GALNT14: variants seen among roughly 807,000 people sequenced by gnomAD.
The protein encoded by GALNT14 is polypeptide N-acetylgalactosaminyltransferase 14, also known as UDP-GalNAc:polypeptide N-acetylgalactosaminyltransferase 14.
In GALNT14, 60 loss-of-function variants were observed where a neutral mutation model predicts 77.5. That is an observed-to-expected ratio of 0.77 (90% confidence interval 0.63 to 0.96). The LOEUF (loss-of-function observed/expected upper bound fraction) is 0.96. Among genes scored for constraint, GALNT14 ranks in the 40% least tolerant of loss-of-function variants. The pLI, the probability that GALNT14 is intolerant of heterozygous loss-of-function variation, is 0.00. For missense variants in GALNT14, 710 were observed against 731.0 expected (o/e 0.97, Z 0.33); for synonymous variants, 280 against 281.7 (o/e 0.99, Z 0.06).
intron 1 of GALNT14, among the ~76,000 whole-genome samples, chr2:31,064,311 A>G (rs1468582770): frequency 1.3e-5 from 2 of 152,220 alleles, no homozygotes; most frequent in African/African-American, 4.8e-5. Flanking sequence ...CACAGACACA[A>G]AACTGAGGAG....
rs370099592 is a variant in GALNT14 at position 31,100,601 on chromosome 2, CT to C, written c.129+37356del. On this transcript the variant is annotated intron_variant, in intron 1 of 14. Coordinates refer to ENST00000349752, the MANE Select transcript of GALNT14 (RefSeq NM_024572.4). ...ACCTGTGCAATGAGGAGTAACAGTA[CT>C]AATAGCATAGATCCTTGTTCTTTAG... Among the ~76,000 whole-genome samples the C allele has an allele frequency of 1.1e-3, 174 of 151,934 alleles. 1 individual carries two copies. The highest frequency in any genetic ancestry group is 4.1e-3 in the African/African-American group (168 of 41,466).
chr2:31,060,944 C>T (rs1674552591), intron 1 of GALNT14, among the ~76,000 whole-genome samples: 1 of 152,128 alleles, frequency 6.6e-6, no homozygotes, highest in Non-Finnish European at 1.5e-5. Flanking sequence ...CACTTTCTTC[C>T]TAGGAGGCTT....
intron 13 of GALNT14, among the ~76,000 whole-genome samples, chr2:30,914,527 A>T (rs1664559656): frequency 1.3e-5 from 2 of 152,210 alleles, no homozygotes; most frequent in South Asian, 4.1e-4. Context: ...GGGGTGGGGC[A>T]GGCCAGAGAA....
intron 3 of GALNT14, among the ~76,000 whole-genome samples, chr2:30,962,439 T>C (rs1010028902): frequency 6.6e-6 from 1 of 152,154 alleles, no homozygotes; most frequent in South Asian, 2.1e-4. Flanking sequence ...CATAAAGGGA[T>C]CCATTGCCCA....
At chr2:30,955,817 C>G in intron 5 of GALNT14, 78 bp from the exon 6 acceptor site, 1 of 1,608,554 alleles carries the variant, frequency 6.2e-7, no homozygotes, top group South Asian at 1.1e-5. Flanking sequence ...AGCCACCCAG[C>G]ATTCCCCACT....
chr2:30,889,672 T>C, the GALNT14 span, among the ~76,000 whole-genome samples: 1 of 152,148 alleles, frequency 6.6e-6, no homozygotes, highest in Non-Finnish European at 1.5e-5. Flanking sequence ...AGTTTTTCAA[T>C]TTCTGGGATT....
intron 7 of GALNT14, 116 bp from the exon 8 acceptor site, chr2:30,945,058 G>T: frequency 3.7e-6 from 3 of 813,500 alleles, no homozygotes; most frequent in Non-Finnish European, 3.6e-6. Context: ...TCTCAAAGAG[G>T]CCGGTCCCTG....
intron 1 of GALNT14, among the ~76,000 whole-genome samples, chr2:31,121,065 G>C: frequency 1.3e-5 from 2 of 152,118 alleles, no homozygotes; most frequent in East Asian, 3.9e-4. Context: ...TCCAGGCCCT[G>C]GTCACATCAG....
At position 30,944,944 on chromosome 2, in the gene GALNT14, T is replaced by C; in HGVS notation, c.743-2A>G. 11 of 1,605,306 alleles carry C rather than the reference T, an allele frequency of 6.9e-6. No homozygotes were observed. Among genetic ancestry groups the C allele is most frequent in the Non-Finnish European group, 9.4e-6 (11 of 1,174,636 alleles). On this transcript the variant is annotated splice_acceptor_variant, in intron 7 of 14. Transcript: ENST00000349752. LOFTEE classifies it high-confidence loss of function. ...GGAAGTGGAGGCTCCAGTCAAACCC[T>C]ACAACACAGCACCAACCCACCTGCT...
chr2:31,020,699 G>A (rs1671662344), intron 1 of GALNT14, among the ~76,000 whole-genome samples: 1 of 152,156 alleles, frequency 6.6e-6, no homozygotes, highest in African/African-American at 2.4e-5. Context: ...CCCACCTTCT[G>A]TCTTGCCCTG....
At chr2:31,013,566 C>T (rs764934543) in intron 1 of GALNT14, among the ~76,000 whole-genome samples, 7 of 152,192 alleles carry the variant, frequency 4.6e-5, no homozygotes, top group Non-Finnish European at 8.8e-5. Context: ...TTTTAACCTG[C>T]TGAGGTGCCG....
intron 2 of GALNT14, among the ~76,000 whole-genome samples, chr2:30,975,280 T>C (rs939278517): frequency 2.0e-5 from 3 of 152,186 alleles, no homozygotes; most frequent in Non-Finnish European, 4.4e-5. Flanking sequence ...ATGAAAAATG[T>C]CGATGATGAA....
intron 2 of GALNT14, among the ~76,000 whole-genome samples, chr2:30,978,956 C>G (rs1319234369): frequency 6.6e-6 from 1 of 152,164 alleles, no homozygotes; most frequent in African/African-American, 2.4e-5. Flanking sequence ...GAAGAAGACA[C>G]CCTCCACCCA....
chr2:31,022,122 T>C (rs549039469), intron 1 of GALNT14, among the ~76,000 whole-genome samples: 3 of 152,284 alleles, frequency 2.0e-5, no homozygotes, highest in African/African-American at 7.2e-5. Context: ...TAGAACAGTG[T>C]CAGAGACTCT....
chr2:30,894,366 T>C, the GALNT14 span, among the ~76,000 whole-genome samples: 3 of 152,350 alleles, frequency 2.0e-5, no homozygotes, highest in East Asian at 5.8e-4. Context: ...GTTGCTATAG[T>C]TTGGGGACAG....
intron 2 of GALNT14, among the ~76,000 whole-genome samples, chr2:30,987,543 G>A (rs974191954): frequency 2.6e-5 from 4 of 152,136 alleles, no homozygotes; most frequent in African/African-American, 7.2e-5. Flanking sequence ...ATGGCTACTC[G>A]CTTCCATTCC....
rs569644443 is a variant in GALNT14, at chr2:30,955,816, G to C, written c.533-77C>G. On this transcript the variant is annotated intron_variant, in intron 5 of 14. Coordinates refer to ENST00000349752, the MANE Select transcript of GALNT14 (RefSeq NM_024572.4). ...AGCGAGACCAGGGAGAAGCCACCCA[G>C]CATTCCCCACTGATCACCCCAACAC... The C allele has an allele frequency of 1.4e-4, 228 of 1,608,348 alleles. No individual in the cohort carries two copies. The African/African-American group carries it at 2.8e-3, about 19-fold the overall frequency.
chr2:31,121,153 C>G (rs530039636), intron 1 of GALNT14, among the ~76,000 whole-genome samples: 2 of 152,338 alleles, frequency 1.3e-5, no homozygotes, highest in Admixed American at 6.5e-5. Flanking sequence ...GCCCAGCATG[C>G]CTGTCCAAGG....
At chr2:30,888,127 C>G in the GALNT14 span, among the ~76,000 whole-genome samples, 1 of 152,210 alleles carries the variant, frequency 6.6e-6, no homozygotes, top group South Asian at 2.1e-4. Context: ...GGGGCTTCCT[C>G]TGAGCCAACC....
Sources: gnomAD v4.1 joint callset for allele counts (sites outside exome capture counted in the v4.1 genomes callset) on GRCh38, gnomAD v4.1.1 for gene constraint, MANE v1.5 for transcripts, NCBI Gene and HGNC (gene_info 2026-07-23, HGNC 2026-07-21) for gene names.